The following EBPL variants were observed in gnomAD, a reference collection of about 807,000 sequenced individuals.
The protein encoded by EBPL is EBP like.
A neutral mutation model predicts 19.0 loss-of-function variants in EBPL; 20 were observed. That is an observed-to-expected ratio of 1.05 (90% CI 0.74 to 1.53). EBPL has a LOEUF of 1.53. Ranked by LOEUF, EBPL falls within the 40% of genes most tolerant of loss-of-function variation. The pLI is 0.00. For synonymous variants in EBPL, 107 were observed against 117.0 expected (o/e 0.91, Z 0.55); for missense variants, 219 against 261.1 (o/e 0.84, Z 1.11).
chr13:49,691,473 G>C lies in EBPL; in HGVS notation c.-49C>G. The C allele has an allele frequency of 7.8e-7, 1 of 1,282,818 alleles. No individual in the cohort carries two copies. Among genetic ancestry groups the C allele is most frequent in the Non-Finnish European group, 9.9e-7 (1 of 1,013,516 alleles). The allele number at this position is 1,282,818 out of a possible 1,614,324, so 79.5% of individuals were successfully genotyped here. The stretch of plus-strand genomic sequence containing the variant: ...GCCCAGGACCATGCGGCAGAGGAAA[G>C]CAGGGAGAGAAACGACGGGGCGGGG... On this transcript the variant is annotated 5_prime_UTR_variant, in exon 1 of 4. Transcript: ENST00000242827.
chr13:49,682,723 C>G (rs895860011), intron 1 of EBPL, among the ~76,000 whole-genome samples: 1 of 152,242 alleles, frequency 6.6e-6, no homozygotes, highest in African/African-American at 2.4e-5. Context: ...CCATACTTCA[C>G]AGGTAAGAAA....
chr13:49,687,436 G>C (rs1372176354), intron 1 of EBPL, among the ~76,000 whole-genome samples: 2 of 152,224 alleles, frequency 1.3e-5, no homozygotes, highest in South Asian at 4.1e-4. Context: ...ACCATGTTGA[G>C]AGACAATTCT....
chr13:49,685,062 C>T (rs544542412), intron 1 of EBPL, among the ~76,000 whole-genome samples: 28 of 150,690 alleles, frequency 1.9e-4, no homozygotes, highest in African/African-American at 5.3e-4. Context: ...CATGCTACCA[C>T]GCCTGGCTAA....
At chr13:49,667,327 C>T (rs1965243251) in intron 2 of EBPL, among the ~76,000 whole-genome samples, 1 of 152,168 alleles carries the variant, frequency 6.6e-6, no homozygotes, top group Admixed American at 6.5e-5. Context: ...GTGAGGTTTA[C>T]AAGGAAAAGA....
intron 1 of EBPL, among the ~76,000 whole-genome samples, chr13:49,687,947 C>T (rs1485414394): frequency 2.0e-5 from 3 of 152,202 alleles, no homozygotes; most frequent in Admixed American, 6.5e-5. Flanking sequence ...CTTCTCACTA[C>T]AGAATACAAT....
At chr13:49,685,238 C>G (rs1415529135) in intron 1 of EBPL, among the ~76,000 whole-genome samples, 3 of 152,242 alleles carry the variant, frequency 2.0e-5, no homozygotes. Context: ...GAACTGGAAC[C>G]AAAAGATTCC....
chr13:49,673,123 AAAAT>A (rs1439680526), intron 1 of EBPL, among the ~76,000 whole-genome samples: 2 of 152,164 alleles, frequency 1.3e-5, no homozygotes, highest in African/African-American at 4.8e-5. Flanking sequence ...GCAACATAAA[AAAAT>A]ACTGGCAACA....
At position 49,691,296 on chromosome 13, in the gene EBPL, C is replaced by T; in HGVS notation, c.129G>A (p.Ala43=). The T allele has an allele frequency of 7.2e-7, 1 of 1,382,548 alleles. No individual in the cohort carries two copies. The allele number at this position is 1,382,548 out of a possible 1,614,324, so 85.6% of individuals were successfully genotyped here. The change falls in exon 1 of 4, where the codon GCG becomes GCA. Residue 43 remains alanine, a synonymous_variant. Transcript: ENST00000242827. ...GRGQGAADRG[A]LIWLCYDALV... is the part of the protein sequence containing the mutation. ...GCGCGTCGTAGCAGAGCCAGATGAG[C>T]GCCCCGCGGTCCGCCGCCCCCTGCC...
intron 2 of EBPL, among the ~76,000 whole-genome samples, chr13:49,664,193 A>G (rs9568299): frequency 0.14 from 21,500 of 152,160 alleles, 2,224 homozygotes; most frequent in East Asian, 0.59. Flanking sequence ...CGGAGGTTGC[A>G]GTGAACCGAG....
intron 1 of EBPL, among the ~76,000 whole-genome samples, chr13:49,673,302 A>C (rs7329488): frequency 0.18 from 28,042 of 152,226 alleles, 3,244 homozygotes; most frequent in Non-Finnish European, 0.26. Flanking sequence ...TTTCTCCCAG[A>C]AAAATAAAAA....
At chr13:49,688,596 G>A (rs1295952489) in intron 1 of EBPL, among the ~76,000 whole-genome samples, 1 of 151,868 alleles carries the variant, frequency 6.6e-6, no homozygotes, top group Non-Finnish European at 1.5e-5. Context: ...GCGGGTGCCT[G>A]TAGTCCCAGC....
intron 1 of EBPL, among the ~76,000 whole-genome samples, chr13:49,681,045 C>A (rs1275388909): frequency 6.6e-6 from 1 of 151,998 alleles, no homozygotes; most frequent in African/African-American, 2.4e-5. Flanking sequence ...ATATTTTCTC[C>A]CTGCTATGAA....
rs375458380 is a variant in EBPL, at chr13:49,690,038, T to C, written c.171+1216A>G. ...GGTGACGGGCGCCCGTAATCCCAGC[T>C]ACTCGGGAGGCTGAGGCAGGAGAAT... On this transcript the variant is annotated intron_variant, in intron 1 of 3. Transcript: ENST00000242827. Among the ~76,000 whole-genome samples, 520 of 152,034 alleles carry C rather than the reference T, an allele frequency of 3.4e-3. 2 individuals carry two copies. Among genetic ancestry groups the C allele is most frequent in the African/African-American group, 0.012 (498 of 41,444 alleles).
chr13:49,666,467 T>C (rs1027844676), intron 2 of EBPL, among the ~76,000 whole-genome samples: 2 of 151,872 alleles, frequency 1.3e-5, no homozygotes, highest in African/African-American at 4.8e-5. Flanking sequence ...TCCCAGCATT[T>C]TGAGAGGCCG....
chr13:49,689,769 T>C (rs1332086949), intron 1 of EBPL, among the ~76,000 whole-genome samples: 2 of 152,226 alleles, frequency 1.3e-5, no homozygotes, highest in Admixed American at 6.5e-5. Context: ...CATTTTGTTA[T>C]ACATTTTTTC....
chr13:49,673,193 T>C (rs1426099717), intron 1 of EBPL, among the ~76,000 whole-genome samples: 2 of 152,160 alleles, frequency 1.3e-5, no homozygotes, highest in Non-Finnish European at 2.9e-5. Flanking sequence ...TCTGAAGGGA[T>C]AGAAGCGATA....
At chr13:49,677,030 T>C (rs1885539) in intron 1 of EBPL, among the ~76,000 whole-genome samples, 96,122 of 152,116 alleles carry the variant, frequency 0.63, 32,115 homozygotes, top group East Asian at 0.77. Flanking sequence ...AATAGGACCA[T>C]TGCAGACATG....
At chr13:49,668,439 T>G (rs1953768145) in intron 2 of EBPL, 1 of 234,492 alleles carries the variant, frequency 4.3e-6, no homozygotes, top group Admixed American at 5.7e-5. Flanking sequence ...CTAGGCGTGG[T>G]GGCGGGCGCC....
intron 1 of EBPL, among the ~76,000 whole-genome samples, chr13:49,686,093 A>C (rs1276979982): frequency 6.6e-6 from 1 of 152,236 alleles, no homozygotes; most frequent in African/African-American, 2.4e-5. Flanking sequence ...TTCACCCTGC[A>C]GGACAAGGCT....
Sources: allele counts gnomAD v4.1 joint callset (sites outside exome capture counted in the v4.1 genomes callset), GRCh38; gene constraint gnomAD v4.1.1; transcripts MANE v1.5; gene names NCBI Gene and HGNC (gene_info 2026-07-23, HGNC 2026-07-21).